FILIP1L: variants seen among roughly 807,000 people sequenced by gnomAD.
FILIP1L encodes the protein filamin A interacting protein 1 like, also known as filamin A-interacting protein 1-like.
In FILIP1L, 55 loss-of-function variants were observed where a neutral mutation model predicts 96.6. The ratio of observed to expected loss-of-function variants is 0.57; its 90% confidence interval spans 0.46 to 0.71. The LOEUF (loss-of-function observed/expected upper bound fraction) is 0.71. Ranked by LOEUF, FILIP1L falls within the 30% of genes least tolerant of loss-of-function variation. The probability of loss-of-function intolerance (pLI) is 0.00; values close to 1 mark genes in which losing one functional copy is unlikely to be tolerated. For synonymous variants in FILIP1L, 467 were observed against 473.9 expected, an observed-to-expected ratio of 0.99 and a Z score of 0.19; for missense variants, 1,304 against 1,321.2, an observed-to-expected ratio of 0.99 and a Z score of 0.20.
intron 1 of FILIP1L, among the ~76,000 whole-genome samples, chr3:100,026,284 A>C (rs1211176062): frequency 6.6e-6 from 1 of 152,126 alleles, no homozygotes; most frequent in Non-Finnish European, 1.5e-5. Context: ...TTTTGCTGCC[A>C]TGAGTATATG....
chr3:99,894,912 G>A (rs910058683), intron 4 of FILIP1L, among the ~76,000 whole-genome samples: 1 of 152,122 alleles, frequency 6.6e-6, no homozygotes, highest in African/African-American at 2.4e-5. Context: ...GCTTTTTGTG[G>A]ACTAGCTGGG....
chr3:99,995,087 G>T (rs7640817), intron 1 of FILIP1L, among the ~76,000 whole-genome samples: 2 of 152,098 alleles, frequency 1.3e-5, no homozygotes, highest in South Asian at 2.1e-4. Context: ...CCCAAAACGC[G>T]CAGTCCAAAG....
At position 99,905,724 on chromosome 3, in the gene FILIP1L, T is replaced by C. The variant is rs115332671; in HGVS notation, c.605+18506A>G. On this transcript the variant is annotated intron_variant, in intron 4 of 5. Coordinates refer to ENST00000477258, the MANE Select transcript of FILIP1L (RefSeq NM_001387850.1). ...GATATCCACTTTCTTACTGAGAGGT[T>C]GCCACCATTTGATGTCTATTACTGT... is the stretch of plus-strand genomic sequence containing the variant. Among the ~76,000 whole-genome samples, 681 of 152,324 alleles carry C rather than the reference T, an allele frequency of 4.5e-3. 7 individuals are homozygous for C. Among genetic ancestry groups the C allele is most frequent in the African/African-American group, 0.015 (623 of 41,570 alleles).
At chr3:99,971,619 A>G (rs1012784306) in intron 1 of FILIP1L, among the ~76,000 whole-genome samples, 3 of 152,148 alleles carry the variant, frequency 2.0e-5, no homozygotes, top group Non-Finnish European at 4.4e-5. Context: ...CCCTGATCTA[A>G]GTTGGTACCA....
At chr3:99,879,352 G>A (rs1364894721) in intron 4 of FILIP1L, among the ~76,000 whole-genome samples, 1 of 152,182 alleles carries the variant, frequency 6.6e-6, no homozygotes, top group Non-Finnish European at 1.5e-5. Flanking sequence ...ATTGTCAGGA[G>A]GCCATGACAA....
chr3:100,032,114 G>A lies in FILIP1L; in HGVS notation c.-11+81939C>T, dbSNP rs2065031793. On this transcript the variant is annotated intron_variant, in intron 1 of 5. Transcript: ENST00000477258. ...TAGTTTGCTAAACCCTGCCCTATGGGAATAAATAATGAAACATGAGGAAGA... is the reference window on the plus strand; with the variant it reads ...TAGTTTGCTAAACCCTGCCCTATGGAAATAAATAATGAAACATGAGGAAGA... Among the ~76,000 whole-genome samples the A allele has an allele frequency of 3.3e-5, 5 of 152,140 alleles. No homozygotes were observed. The South Asian group carries it at 1.0e-3, about 32-fold the overall frequency.
At chr3:100,075,636 A>T (rs1254834649) in intron 1 of FILIP1L, 1 of 146,506 alleles carries the variant, frequency 6.8e-6, no homozygotes, top group African/African-American at 2.5e-5. Context: ...TCTTTTCCTT[A>T]TTACACAAGA....
intron 1 of FILIP1L, among the ~76,000 whole-genome samples, chr3:99,993,943 G>T (rs571789171): frequency 1.3e-5 from 2 of 152,254 alleles, no homozygotes; most frequent in East Asian, 1.9e-4. Flanking sequence ...TTCAGTGTGT[G>T]TCCTTGTCTG....
chr3:99,926,715 CTTG>C (rs1707303947), intron 3 of FILIP1L, among the ~76,000 whole-genome samples: 2 of 152,122 alleles, frequency 1.3e-5, no homozygotes, highest in Admixed American at 6.5e-5. Context: ...CCTTGGAGAG[CTTG>C]TTGTAATTGT....
In FILIP1L at chr3:100,109,237, T is replaced by C. The variant is rs749904397; in HGVS notation, c.-11+4816A>G. Reference sequence around the variant, plus strand: ...AATATCCTAAAAAAAAATTTTTCAATGAAAATCTGCAAGAATTCCATACAA... The same window carrying C: ...AATATCCTAAAAAAAAATTTTTCAACGAAAATCTGCAAGAATTCCATACAA... On this transcript the variant is annotated intron_variant, in intron 1 of 5. Transcript: ENST00000477258. 2.0e-5 allele frequency among the ~76,000 whole-genome samples: 3 copies of C among 152,140 alleles called. No homozygotes were observed. In the East Asian group the frequency reaches 5.8e-4, roughly 29 times the overall value.
At chr3:100,035,836 A>G (rs2065098218) in intron 1 of FILIP1L, among the ~76,000 whole-genome samples, 1 of 152,206 alleles carries the variant, frequency 6.6e-6, no homozygotes, top group Admixed American at 6.5e-5. Context: ...TTACATCTTT[A>G]TTCCTTTCCC....
rs78637313 is a variant in FILIP1L, at chr3:100,026,770, A to G, written c.-11+87283T>C. Among the ~76,000 whole-genome samples, 605 of 152,232 alleles carry G rather than the reference A, an allele frequency of 4.0e-3. 6 individuals carry two copies. The highest frequency in any genetic ancestry group is 0.014 in the African/African-American group (592 of 41,558). Reference sequence around the variant, plus strand: ...CAAACCACCACCGTCTCTCTCCAAGATTGTTGCAGTAGCCTCCTAACTGGT... The same window carrying G: ...CAAACCACCACCGTCTCTCTCCAAGGTTGTTGCAGTAGCCTCCTAACTGGT... On this transcript the variant is annotated intron_variant, in intron 1 of 5. Transcript: ENST00000477258.
At chr3:99,906,498 T>C (rs1189944976) in intron 4 of FILIP1L, among the ~76,000 whole-genome samples, 3 of 152,244 alleles carry the variant, frequency 2.0e-5, no homozygotes, top group East Asian at 1.9e-4. Flanking sequence ...CCTGTTGTTG[T>C]ATTTTGATTA....
chr3:100,113,142 A>G (rs1228849550), intron 1 of FILIP1L, among the ~76,000 whole-genome samples: 1 of 152,234 alleles, frequency 6.6e-6, no homozygotes, highest in Non-Finnish European at 1.5e-5. Context: ...AAAGAAAGAT[A>G]TGTAATCATT....
At chr3:99,959,866 C>T (rs1047949718) in intron 1 of FILIP1L, among the ~76,000 whole-genome samples, 3 of 152,114 alleles carry the variant, frequency 2.0e-5, no homozygotes, top group Non-Finnish European at 2.9e-5. Flanking sequence ...GACTGAGCCC[C>T]CCAGCCCACT....
chr3:100,020,279 T>G (rs908083499), intron 1 of FILIP1L, among the ~76,000 whole-genome samples: 2 of 152,190 alleles, frequency 1.3e-5, no homozygotes, highest in Non-Finnish European at 2.9e-5. Flanking sequence ...ATTTGCAGAT[T>G]TTCTAAAAGC....
chr3:100,107,038 C>CCA (rs1180462962), intron 1 of FILIP1L, among the ~76,000 whole-genome samples: 2 of 152,128 alleles, frequency 1.3e-5, no homozygotes, highest in African/African-American at 4.8e-5. Flanking sequence ...GATTTTGTTA[C>CCA]ACAGCCAAGA....
intron 1 of FILIP1L, among the ~76,000 whole-genome samples, chr3:100,084,207 T>C (rs2065972073): frequency 6.6e-6 from 1 of 152,228 alleles, no homozygotes; most frequent in South Asian, 2.1e-4. Flanking sequence ...TGTTATTTCA[T>C]GTACATGTTT....
intron 4 of FILIP1L, among the ~76,000 whole-genome samples, chr3:99,851,800 A>G (rs1359820188): frequency 6.6e-6 from 1 of 152,230 alleles, no homozygotes; most frequent in African/African-American, 2.4e-5. Flanking sequence ...CTTGGTTTGC[A>G]CTAGCACAAC....
Sources: gnomAD v4.1 joint callset for allele counts (sites outside exome capture counted in the v4.1 genomes callset) on GRCh38, gnomAD v4.1.1 for gene constraint, MANE v1.5 for transcripts, NCBI Gene and HGNC (gene_info 2026-07-23, HGNC 2026-07-21) for gene names.